The following PTPRD variants were observed in gnomAD, a reference collection of about 807,000 sequenced individuals.
PTPRD encodes protein tyrosine phosphatase receptor type D.
In PTPRD, 34 loss-of-function variants were observed where a neutral mutation model predicts 214.5. The observed-to-expected ratio is 0.16, with a 90% CI of 0.12 to 0.21. PTPRD has a LOEUF of 0.21. Ranked by LOEUF, PTPRD falls within the 10% of genes least tolerant of loss-of-function variation. The pLI is 1.00. For synonymous variants in PTPRD, 1,128 were observed against 845.7 expected (o/e 1.33, Z -5.79); for missense variants, 2,545 against 2,398.7 (o/e 1.06, Z -1.27).
At chr9:10,276,297 C>T (rs1319592341) in intron 3 of PTPRD, among the ~76,000 whole-genome samples, 1 of 152,190 alleles carries the variant, frequency 6.6e-6, no homozygotes, top group Non-Finnish European at 1.5e-5. Context: ...CATGACACAG[C>T]TACACAATCC....
chr9:10,068,025 T>A (rs1447965901), intron 3 of PTPRD, among the ~76,000 whole-genome samples: 1 of 151,944 alleles, frequency 6.6e-6, no homozygotes, highest in African/African-American at 2.4e-5. Flanking sequence ...CTTCTATATT[T>A]CTGATACAAT....
At chr9:9,333,508 A>ATATATATATATATATATATATATATAG (rs2043182233) in intron 9 of PTPRD, among the ~76,000 whole-genome samples, 2 of 144,268 alleles carry the variant, frequency 1.4e-5, no homozygotes, top group Admixed American at 6.9e-5. Context: ...AGTATATTAT[A>ATATATATATATATATATATATATATAG]TATATATATA....
intron 5 of PTPRD, among the ~76,000 whole-genome samples, chr9:9,828,010 G>C (rs908948591): frequency 2.0e-5 from 3 of 152,156 alleles, no homozygotes; most frequent in African/African-American, 7.2e-5. Flanking sequence ...AACAACAGGT[G>C]CTGGAGAGGA....
chr9:8,855,171 A>G (rs1390649339), intron 11 of PTPRD, among the ~76,000 whole-genome samples: 1 of 151,148 alleles, frequency 6.6e-6, no homozygotes, highest in Admixed American at 6.6e-5. Context: ...GGGTTTGCAT[A>G]TGCCATACCA....
intron 3 of PTPRD, among the ~76,000 whole-genome samples, chr9:10,154,337 G>C (rs1375830926): frequency 6.6e-6 from 1 of 151,948 alleles, no homozygotes; most frequent in Non-Finnish European, 1.5e-5. Context: ...TTGTAAATTT[G>C]TTTAAGTTCT....
intron 33 of PTPRD, among the ~76,000 whole-genome samples, chr9:8,453,698 T>C (rs2096060739): frequency 1.3e-5 from 2 of 152,212 alleles, no homozygotes; most frequent in African/African-American, 4.8e-5. Context: ...AACTTTAGTA[T>C]GCATCAGCAT....
Position 9,492,630 on chromosome 9 carries a change from T to G in PTPRD, c.-237+82102A>C, listed in dbSNP as rs2154210872. Among the ~76,000 whole-genome samples the G allele has an allele frequency of 1.3e-5, 2 of 152,050 alleles. 1 individual carries two copies. The highest frequency in any genetic ancestry group is 6.8e-3 in the Middle Eastern group (2 of 294). On this transcript the variant is annotated intron_variant, in intron 8 of 45. Coordinates refer to ENST00000381196, the MANE Select transcript of PTPRD (RefSeq NM_002839.4). ...TTTCATAATAAAAACATTCAACAAG[T>G]TAGAACTAGAAGGAAAGTATTCCAA...
At chr9:8,760,818 G>A (rs143079543) in intron 11 of PTPRD, among the ~76,000 whole-genome samples, 4 of 152,204 alleles carry the variant, frequency 2.6e-5, no homozygotes, top group South Asian at 2.1e-4. Flanking sequence ...GTTTTATCTC[G>A]TACAAGTAAA....
At chr9:9,160,829 T>C (rs2099886877) in intron 10 of PTPRD, among the ~76,000 whole-genome samples, 1 of 152,170 alleles carries the variant, frequency 6.6e-6, no homozygotes, top group African/African-American at 2.4e-5. Flanking sequence ...ACACACACAA[T>C]GAAATACTAT....
At chr9:9,797,975 G>A (rs1434963864) in intron 5 of PTPRD, among the ~76,000 whole-genome samples, 1 of 152,172 alleles carries the variant, frequency 6.6e-6, no homozygotes, top group Non-Finnish European at 1.5e-5. Flanking sequence ...CTGAATACAC[G>A]AATGTTCTTG....
At chr9:8,398,648 TA>T (rs2091768189) in intron 36 of PTPRD, among the ~76,000 whole-genome samples, 1 of 152,152 alleles carries the variant, frequency 6.6e-6, no homozygotes, top group Non-Finnish European at 1.5e-5. Flanking sequence ...AGGATCCTTA[TA>T]AAAAAGCTTG....
chr9:9,598,406 G>A (rs151165915), intron 7 of PTPRD, among the ~76,000 whole-genome samples: 3 of 151,998 alleles, frequency 2.0e-5, no homozygotes, highest in African/African-American at 4.8e-5. Context: ...TCTATCCTGA[G>A]CTCATTATTC....
At chr9:9,947,365 A>ATATATTATATATATAATATATAT (rs2092757655) in intron 4 of PTPRD, among the ~76,000 whole-genome samples, 6 of 40,730 alleles carry the variant, frequency 1.5e-4, no homozygotes, top group African/African-American at 5.4e-4. Flanking sequence ...TATATATATT[A>ATATATTATATATATAATATATAT]TATATATATT....
chr9:9,389,181 T>C (rs533190850), intron 9 of PTPRD, among the ~76,000 whole-genome samples: 2 of 152,300 alleles, frequency 1.3e-5, no homozygotes, highest in East Asian at 1.9e-4. Context: ...TCTAGCAGCA[T>C]ACTGCTTAAT....
At chr9:9,625,564 T>G (rs1211811021) in intron 7 of PTPRD, among the ~76,000 whole-genome samples, 3 of 151,994 alleles carry the variant, frequency 2.0e-5, no homozygotes, top group Non-Finnish European at 4.4e-5. Flanking sequence ...TTTTTTTTTT[T>G]TTTGTTTTGA....
intron 5 of PTPRD, among the ~76,000 whole-genome samples, chr9:9,832,041 A>C (rs193189415): frequency 5.7e-4 from 86 of 152,114 alleles, no homozygotes; most frequent in Admixed American, 5.6e-3. Context: ...ATGACATTTT[A>C]TGTCTTTAAC....
intron 39 of PTPRD, among the ~76,000 whole-genome samples, chr9:8,349,945 T>C (rs1472346726): frequency 1.3e-5 from 2 of 151,958 alleles, no homozygotes; most frequent in African/African-American, 4.8e-5. Context: ...TTTTTTTTTT[T>C]TTTTAAATTT....
chr9:8,923,186 C>T lies in PTPRD; in HGVS notation c.-104+95511G>A, dbSNP rs1427293069. Reference sequence around the variant, plus strand: ...CCTCCTAAGTAGCTGGGATTACAGGCGCCTGCCACCACGCCCAGCTAATTT... The same window carrying T: ...CCTCCTAAGTAGCTGGGATTACAGGTGCCTGCCACCACGCCCAGCTAATTT... On this transcript the variant is annotated intron_variant, in intron 11 of 45. Transcript: ENST00000381196. 3.0e-4 allele frequency among the ~76,000 whole-genome samples: 45 copies of T among 151,570 alleles called. 1 individual carries two copies. Among genetic ancestry groups the T allele is most frequent in the Admixed American group, 2.3e-3 (35 of 15,186 alleles).
intron 43 of PTPRD, among the ~76,000 whole-genome samples, chr9:8,335,945 G>A (rs560153420): frequency 6.6e-6 from 1 of 152,282 alleles, no homozygotes; most frequent in East Asian, 1.9e-4. Context: ...GCAAACCACT[G>A]CTCAAGGAAA....
Sources: allele counts gnomAD v4.1 joint callset (sites outside exome capture counted in the v4.1 genomes callset), GRCh38; gene constraint gnomAD v4.1.1; transcripts MANE v1.5; gene names NCBI Gene and HGNC (gene_info 2026-07-23, HGNC 2026-07-21).